The following MAP2K5 variants were observed in gnomAD, a reference collection of about 807,000 sequenced individuals.
MAP2K5 encodes the protein dual specificity mitogen-activated protein kinase kinase 5.
MAP2K5 carries 49 observed loss-of-function variants against 83.1 expected under a neutral mutation model. That is an observed-to-expected ratio of 0.59 (90% CI 0.47 to 0.75). MAP2K5 has a LOEUF of 0.75. Among genes scored for constraint, MAP2K5 ranks in the 30% least tolerant of loss-of-function variants. The probability of loss-of-function intolerance (pLI) is 0.00; values close to 1 mark genes in which losing one functional copy is unlikely to be tolerated. For missense variants in MAP2K5, 457 were observed against 557.5 expected (o/e 0.82, Z 1.82); for synonymous variants, 202 against 191.8 (o/e 1.05, Z -0.44).
chr15:67,609,539 CCTATTCTATAGGTCTGT>C lies in MAP2K5; in HGVS notation c.545+8791_545+8807del, dbSNP rs1469406792. Among the ~76,000 whole-genome samples, 20 of 93,604 alleles carry C rather than the reference CCTATTCTATAGGTCTGT, an allele frequency of 2.1e-4. 5 individuals carry two copies. The highest frequency in any genetic ancestry group is 3.8e-4 in the Non-Finnish European group (16 of 41,580). 61.4% of individuals were successfully genotyped at this position (93,604 alleles called of 152,430 possible). Reference sequence around the variant, plus strand: ...TCTATAGGTCTGTAGATTCTGTAGACCTATTCTATAGGTCTGTAGATTCTGTAGACCTATTCTATAGG... The same window carrying C: ...TCTATAGGTCTGTAGATTCTGTAGACAGATTCTGTAGACCTATTCTATAGG... On this transcript the variant is annotated intron_variant, in intron 8 of 21. Transcript: ENST00000178640.
chr15:67,763,657 T>TC (rs1286277780), intron 19 of MAP2K5, among the ~76,000 whole-genome samples: 1 of 152,092 alleles, frequency 6.6e-6, no homozygotes, highest in Non-Finnish European at 1.5e-5. Context: ...GATTTTTTTT[T>TC]TTAAACAAAC....
Position 67,555,771 on chromosome 15 carries a change from G to T in MAP2K5, c.184+5689G>T, listed in dbSNP as rs1011851705. 6.8e-6 allele frequency among the ~76,000 whole-genome samples: 1 copy of T among 148,050 alleles called. No homozygotes were observed. The highest frequency in any genetic ancestry group is 6.8e-5 in the Admixed American group (1 of 14,670). On this transcript the variant is annotated intron_variant, in intron 2 of 21. Coordinates refer to ENST00000178640, the MANE Select transcript of MAP2K5 (RefSeq NM_145160.3). The surrounding 1 kb of genome is among the most constrained non-coding windows in gnomAD (Gnocchi z 5.2). ...TTGAATATCTTCTCATTTGTATTTG[G>T]CTATTTGTATTTAATTTCCTTTTTT...
In MAP2K5 at chr15:67,732,961, G is replaced by C. The variant is rs112088622; in HGVS notation, c.1074+5016G>C. Among the ~76,000 whole-genome samples the C allele has an allele frequency of 1.9e-3, 286 of 152,182 alleles. 1 individual carries two copies. Among genetic ancestry groups the C allele is most frequent in the South Asian group, 7.1e-3 (34 of 4,818 alleles). Reference sequence around the variant, plus strand: ...TGTAAGCAGATAGCTCTGTGGGGAGGGGGGGCTTAACAGCGACTGTGGGCG... The same window carrying C: ...TGTAAGCAGATAGCTCTGTGGGGAGCGGGGGCTTAACAGCGACTGTGGGCG... On this transcript the variant is annotated intron_variant, in intron 17 of 21. Transcript: ENST00000178640.
Position 67,550,515 on chromosome 15 carries a change from G to A in MAP2K5, c.184+433G>A, listed in dbSNP as rs2140944953. 2.0e-5 allele frequency among the ~76,000 whole-genome samples: 3 copies of A among 152,346 alleles called. No individual in the cohort carries two copies. In the South Asian group the frequency reaches 6.2e-4, roughly 32 times the overall value. On this transcript the variant is annotated intron_variant, in intron 2 of 21. Coordinates refer to ENST00000178640, the MANE Select transcript of MAP2K5 (RefSeq NM_145160.3). ...TGTTTTAGTGGGGCTTAGCAGGGAT[G>A]CTAGATGGTGACAGGAACACTTCAG...
Position 67,756,179 on chromosome 15 carries a change from G to T in MAP2K5, c.1134+7578G>T, listed in dbSNP as rs77238438. ...GGACACTGTGTTTTAAGTATCATAT[G>T]CATTCCAAATGAACTCTAGGATAAA... On this transcript the variant is annotated intron_variant, in intron 19 of 21. Transcript: ENST00000178640. 5.0e-3 allele frequency among the ~76,000 whole-genome samples: 764 copies of T among 152,320 alleles called. 5 individuals are homozygous for T. The highest frequency in any genetic ancestry group is 0.018 in the African/African-American group (736 of 41,570).
At chr15:67,551,816 A>C (rs1197560518) in intron 2 of MAP2K5, among the ~76,000 whole-genome samples, 1 of 152,212 alleles carries the variant, frequency 6.6e-6, no homozygotes, top group Non-Finnish European at 1.5e-5. Flanking sequence ...ATAAATTACT[A>C]TTTGTCTATA....
chr15:67,619,259 A>G (rs1567313764), intron 8 of MAP2K5, among the ~76,000 whole-genome samples: 1 of 152,110 alleles, frequency 6.6e-6, no homozygotes, highest in Non-Finnish European at 1.5e-5. Context: ...CATGTCCCTA[A>G]TGTTGATCAG....
At chr15:67,612,955 G>T (rs1256695918) in intron 8 of MAP2K5, among the ~76,000 whole-genome samples, 1 of 150,978 alleles carries the variant, frequency 6.6e-6, no homozygotes, top group African/African-American at 2.4e-5. Flanking sequence ...TTTTGCAGAA[G>T]ACTTTGTACT....
chr15:67,695,010 C>CA (rs1303883071), intron 15 of MAP2K5, among the ~76,000 whole-genome samples: 11 of 150,352 alleles, frequency 7.3e-5, no homozygotes, highest in Non-Finnish European at 1.6e-4. Context: ...ATTGCAAGAA[C>CA]AAAAAACCAA....
chr15:67,766,774 C>G (rs1053950048), intron 19 of MAP2K5, among the ~76,000 whole-genome samples: 5 of 152,110 alleles, frequency 3.3e-5, no homozygotes, highest in African/African-American at 1.2e-4. Context: ...CAGGTATATT[C>G]CTTTGCTTTC....
chr15:67,567,013 G>C (rs1294960295), intron 3 of MAP2K5, among the ~76,000 whole-genome samples: 1 of 152,148 alleles, frequency 6.6e-6, no homozygotes, highest in Non-Finnish European at 1.5e-5. Context: ...TCACACATTA[G>C]TACCATTTTA....
At chr15:67,675,297 C>G (rs976114559) in intron 13 of MAP2K5, among the ~76,000 whole-genome samples, 3 of 152,158 alleles carry the variant, frequency 2.0e-5, no homozygotes, top group African/African-American at 7.2e-5. Flanking sequence ...TGCCCACAAC[C>G]TAGATGAACC....
At position 67,766,429 on chromosome 15, in the gene MAP2K5, T is replaced by A. The variant is rs1194143810; in HGVS notation, c.1135-3173T>A. Among the ~76,000 whole-genome samples, 3 of 152,372 alleles carry A rather than the reference T, an allele frequency of 2.0e-5. No homozygotes were observed. In the East Asian group the frequency reaches 5.8e-4, roughly 29 times the overall value. ...GCCAGTACTGAGAATTCAGTGTAAC[T>A]GCTTCTTCAGCCCACATTTATATTT... On this transcript the variant is annotated intron_variant, in intron 19 of 21. Coordinates refer to ENST00000178640, the MANE Select transcript of MAP2K5 (RefSeq NM_145160.3).
rs1231997021 is a variant in MAP2K5 at position 67,573,871 on chromosome 15, A to G, written c.253-6883A>G. On this transcript the variant is annotated intron_variant, in intron 3 of 21. Coordinates refer to ENST00000178640, the MANE Select transcript of MAP2K5 (RefSeq NM_145160.3). The surrounding 1 kb of genome is among the most constrained non-coding windows in gnomAD (Gnocchi z 4.2). ...AATAATCCTGTGTCACCAGCCTTGT[A>G]GTGCAGCGCATCTCCTCCATATGGT... Among the ~76,000 whole-genome samples the G allele has an allele frequency of 6.6e-6, 1 of 152,224 alleles. No homozygotes were observed. The highest frequency in any genetic ancestry group is 1.5e-5 in the Non-Finnish European group (1 of 68,036).
chr15:67,560,278 T>C (rs2084707435), intron 2 of MAP2K5, among the ~76,000 whole-genome samples: 1 of 152,226 alleles, frequency 6.6e-6, no homozygotes, highest in Non-Finnish European at 1.5e-5. Context: ...GCTTTTGCCT[T>C]TTGGCTGGAG....
rs2090109584 is a variant in MAP2K5 at position 67,769,862 on chromosome 15, A to G, written c.1196+199A>G. The G allele has an allele frequency of 1.9e-5, 10 of 516,652 alleles. No individual in the cohort carries two copies. In the East Asian group the frequency reaches 3.2e-4, roughly 16 times the overall value. 32.0% of individuals were successfully genotyped at this position (516,652 alleles called of 1,614,324 possible). On this transcript the variant is annotated intron_variant, in intron 20 of 21. Transcript: ENST00000178640. The surrounding 1 kb of genome is among the most constrained non-coding windows in gnomAD (Gnocchi z 5.2). ...GTTATTTACACAAAGGGTCATAAGC[A>G]TACTTCAGAGCCTTTTTCCTGATTT...
At chr15:67,566,618 T>G (rs1239689924) in intron 3 of MAP2K5, among the ~76,000 whole-genome samples, 1 of 152,226 alleles carries the variant, frequency 6.6e-6, no homozygotes, top group African/African-American at 2.4e-5. Flanking sequence ...TTACAAAGGT[T>G]AAGTAAATAA....
At position 67,734,838 on chromosome 15, in the gene MAP2K5, G is replaced by A. The variant is rs59913200; in HGVS notation, c.1074+6893G>A. ...TTTGTATGTGAGGTCTTTAATCAAG[G>A]AAAAAATAGCAATGAGTAATCACCC... On this transcript the variant is annotated intron_variant, in intron 17 of 21. Coordinates refer to ENST00000178640, the MANE Select transcript of MAP2K5 (RefSeq NM_145160.3). Among the ~76,000 whole-genome samples, 954 of 152,098 alleles carry A rather than the reference G, an allele frequency of 6.3e-3. 7 individuals are homozygous for A. Among genetic ancestry groups the A allele is most frequent in the African/African-American group, 0.02 (831 of 41,494 alleles).
At chr15:67,673,887 C>T (rs1178040025) in intron 13 of MAP2K5, among the ~76,000 whole-genome samples, 12 of 152,090 alleles carry the variant, frequency 7.9e-5, no homozygotes, top group African/African-American at 2.7e-4. Flanking sequence ...CTCACTCTGC[C>T]GCCCAGGCTG....
Sources: allele counts gnomAD v4.1 joint callset (sites outside exome capture counted in the v4.1 genomes callset), GRCh38; gene constraint gnomAD v4.1.1; non-coding constraint Gnocchi (gnomAD v3.1); transcripts MANE v1.5; gene names NCBI Gene and HGNC (gene_info 2026-07-23, HGNC 2026-07-21).